SLC1A2: variants seen among roughly 807,000 people sequenced by gnomAD.
SLC1A2 encodes solute carrier family 1 member 2, also known as excitatory amino acid transporter 2.
A neutral mutation model predicts 48.8 loss-of-function variants in SLC1A2; 15 were observed. The observed-to-expected ratio is 0.31, with a 90% confidence interval of 0.21 to 0.47. The LOEUF is 0.47. Ranked by LOEUF, SLC1A2 falls within the 20% of genes least tolerant of loss-of-function variation. SLC1A2 has a pLI of 0.99. For missense variants in SLC1A2, 502 were observed against 730.5 expected, an observed-to-expected ratio of 0.69 and a Z score of 3.61; for synonymous variants, 279 against 272.6, an observed-to-expected ratio of 1.02 and a Z score of -0.23.
At chr11:35,380,562 C>G in intron 1 of SLC1A2, 1 of 396,714 alleles carries the variant, frequency 2.5e-6, no homozygotes. Context: ...ACAGTGCAAA[C>G]ACTTTTGCTG....
chr11:35,314,785 C>CTTTTTTTTTTTTT (rs5791048), intron 3 of SLC1A2, among the ~76,000 whole-genome samples: 1 of 141,044 alleles, frequency 7.1e-6, no homozygotes, highest in African/African-American at 2.6e-5. Context: ...CTTTTCTTTT[C>CTTTTTTTTTTTTT]TTTTTTTTTT....
At chr11:35,264,798 G>T (rs1950452950) in intron 10 of SLC1A2, 1 of 152,190 alleles carries the variant, frequency 6.6e-6, no homozygotes. Flanking sequence ...GAAAAAGATA[G>T]TTGTGTAAAG....
At chr11:35,413,126 A>G (rs1162786855) in intron 1 of SLC1A2, among the ~76,000 whole-genome samples, 1 of 152,224 alleles carries the variant, frequency 6.6e-6, no homozygotes, top group South Asian at 2.1e-4. Context: ...ACTTCCTTGG[A>G]AAGGTAAGGG....
intron 4 of SLC1A2, among the ~76,000 whole-genome samples, chr11:35,311,515 A>G (rs1371196900): frequency 6.6e-6 from 1 of 152,224 alleles, no homozygotes; most frequent in Admixed American, 6.5e-5. Context: ...AAAGAAAAAT[A>G]CAGGGGAGGA....
At chr11:35,396,139 G>A (rs1172011897) in intron 1 of SLC1A2, among the ~76,000 whole-genome samples, 5 of 128,280 alleles carry the variant, frequency 3.9e-5, no homozygotes, top group Non-Finnish European at 7.9e-5. Flanking sequence ...ATAAACATAC[G>A]TGTGCATGTG....
intron 5 of SLC1A2, 128 bp from the exon 6 acceptor site, chr11:35,301,773 A>G: frequency 1.2e-6 from 1 of 827,436 alleles, no homozygotes; most frequent in Non-Finnish European, 1.9e-6. Context: ...ATTAGACATT[A>G]AAAGAACAAA....
chr11:35,313,882 A>T (rs1228508939), intron 3 of SLC1A2, among the ~76,000 whole-genome samples: 1 of 152,104 alleles, frequency 6.6e-6, no homozygotes, highest in Admixed American at 6.5e-5. Flanking sequence ...TCAGCCCCTG[A>T]ATCTCCTGGA....
intron 1 of SLC1A2, among the ~76,000 whole-genome samples, chr11:35,334,813 AATTTT>A (rs1175611662): frequency 1.4e-5 from 2 of 141,850 alleles, no homozygotes; most frequent in African/African-American, 2.7e-5. Flanking sequence ...GCTGGAGAGC[AATTTT>A]GTTTTGTTTT....
chr11:35,266,031 C>T (rs950194676), intron 9 of SLC1A2, among the ~76,000 whole-genome samples: 1 of 151,820 alleles, frequency 6.6e-6, no homozygotes, highest in Non-Finnish European at 1.5e-5. Flanking sequence ...ATGGTAAACA[C>T]CAATAACCAG....
At chr11:35,276,578 AGCCCT>A (rs1850448513) in intron 9 of SLC1A2, among the ~76,000 whole-genome samples, 1 of 152,220 alleles carries the variant, frequency 6.6e-6, no homozygotes, top group East Asian at 1.9e-4. Context: ...GGGAGGGCCC[AGCCCT>A]CCTGTTTCAT....
chr11:35,312,460 A>G lies in SLC1A2; in HGVS notation c.311-12T>C. 2 of 1,613,452 alleles carry G rather than the reference A, an allele frequency of 1.2e-6. No individual in the cohort carries two copies. The highest frequency in any genetic ancestry group is 1.7e-6 in the Non-Finnish European group (2 of 1,179,390). On this transcript the variant is annotated splice_polypyrimidine_tract_variant and intron_variant, in intron 3 of 10. Coordinates refer to ENST00000278379, the MANE Select transcript of SLC1A2 (RefSeq NM_004171.4). Reference sequence around the variant, plus strand: ...CAGGCCTGACAACCCTGGATTGAAAAGAAATGCAGAAGGATTAATTCTATT... The same window carrying G: ...CAGGCCTGACAACCCTGGATTGAAAGGAAATGCAGAAGGATTAATTCTATT...
At chr11:35,294,515 T>C (rs2134757185) in intron 6 of SLC1A2, among the ~76,000 whole-genome samples, 1 of 152,302 alleles carries the variant, frequency 6.6e-6, no homozygotes, top group African/African-American at 2.4e-5. Context: ...ATTGAGACTG[T>C]AAATAAGCAG....
chr11:35,284,303 A>G (rs1379282848), intron 8 of SLC1A2, among the ~76,000 whole-genome samples: 1 of 151,870 alleles, frequency 6.6e-6, no homozygotes, highest in Non-Finnish European at 1.5e-5. Flanking sequence ...AGAACCCAAT[A>G]TCTACTTTGT....
chr11:35,261,307 C>G (rs937826565), intron 10 of SLC1A2, among the ~76,000 whole-genome samples: 2 of 152,174 alleles, frequency 1.3e-5, no homozygotes, highest in African/African-American at 2.4e-5. Context: ...ATGTGCTACT[C>G]CATACAACCA....
At chr11:35,317,301 T>C in intron 2 of SLC1A2, 76 bp downstream of exon 2, 1 of 1,516,302 alleles carries the variant, frequency 6.6e-7, no homozygotes, top group Non-Finnish European at 9.0e-7. Flanking sequence ...GGCTGGCTGC[T>C]GAGACCAGCT....
chr11:35,332,436 T>C (rs1852460767), intron 1 of SLC1A2, among the ~76,000 whole-genome samples: 1 of 152,254 alleles, frequency 6.6e-6, no homozygotes, highest in Non-Finnish European at 1.5e-5. Flanking sequence ...AGGTTGACTC[T>C]TAAATTATGA....
intron 1 of SLC1A2, among the ~76,000 whole-genome samples, chr11:35,347,615 T>G (rs1432675097): frequency 1.3e-5 from 2 of 152,256 alleles, no homozygotes; most frequent in African/African-American, 4.8e-5. Flanking sequence ...TTGCCTTCCT[T>G]GCTTTCAATA....
intron 1 of SLC1A2, among the ~76,000 whole-genome samples, chr11:35,393,101 G>C (rs1316650668): frequency 1.3e-5 from 2 of 152,190 alleles, no homozygotes; most frequent in Non-Finnish European, 1.5e-5. Flanking sequence ...TCTGGTCCTA[G>C]ATTCAAACAT....
intron 1 of SLC1A2, among the ~76,000 whole-genome samples, chr11:35,349,816 CA>C (rs1270115086): frequency 6.6e-6 from 1 of 152,140 alleles, no homozygotes; most frequent in African/African-American, 2.4e-5. Flanking sequence ...TCTTTGGGCT[CA>C]GGGGGCTTAC....
Sources: allele counts gnomAD v4.1 joint callset (sites outside exome capture counted in the v4.1 genomes callset), GRCh38; gene constraint gnomAD v4.1.1; transcripts MANE v1.5; gene names NCBI Gene and HGNC (gene_info 2026-07-23, HGNC 2026-07-21).